The following ARHGEF28 variants were observed in gnomAD, a reference collection of about 807,000 sequenced individuals.
The protein encoded by ARHGEF28 is Rho guanine nucleotide exchange factor 28.
ARHGEF28 carries 152 observed loss-of-function variants against 206.6 expected under a neutral mutation model. That is an observed-to-expected ratio of 0.74 (90% CI 0.64 to 0.84). ARHGEF28 has a LOEUF of 0.84. Among genes scored for constraint, ARHGEF28 ranks in the 40% least tolerant of loss-of-function variants. The pLI is 0.00. For synonymous variants in ARHGEF28, 763 were observed against 776.4 expected (o/e 0.98, Z 0.29); for missense variants, 2,028 against 2,073.2 (o/e 0.98, Z 0.42).
chr5:73,665,980 A>C (rs1258161512), intron 1 of ARHGEF28, among the ~76,000 whole-genome samples: 1 of 152,224 alleles, frequency 6.6e-6, no homozygotes. Flanking sequence ...ACAAACTGTC[A>C]TATAAATCAG....
At position 73,937,683 on chromosome 5, in the gene ARHGEF28, C is replaced by T. The variant is rs139542169; in HGVS notation, c.4949-3161C>T. Among the ~76,000 whole-genome samples, 226 of 152,216 alleles carry T rather than the reference C, an allele frequency of 1.5e-3. 2 individuals carry two copies. The highest frequency in any genetic ancestry group is 3.4e-3 in the Middle Eastern group (1 of 294). On this transcript the variant is annotated intron_variant, in intron 35 of 35. Transcript: ENST00000513042. The stretch of plus-strand genomic sequence containing the variant: ...TATGTCCATCGATTTACAGGCAATT[C>T]GATCACAAATGAAACTGGGTGATTA...
intron 7 of ARHGEF28, among the ~76,000 whole-genome samples, chr5:73,789,650 T>G (rs912093156): frequency 2.0e-5 from 3 of 152,206 alleles, no homozygotes; most frequent in Non-Finnish European, 4.4e-5. Flanking sequence ...TTGATTTTTT[T>G]GTTTAGTTTT....
At chr5:73,629,972 CTT>C in intron 1 of ARHGEF28, among the ~76,000 whole-genome samples, 1 of 152,276 alleles carries the variant, frequency 6.6e-6, no homozygotes, top group South Asian at 2.1e-4. Flanking sequence ...GCAGTGGTGG[CTT>C]TGCTCTCCAT....
At chr5:73,701,618 C>A (rs566203376) in intron 2 of ARHGEF28, among the ~76,000 whole-genome samples, 34 of 152,260 alleles carry the variant, frequency 2.2e-4, no homozygotes, top group Non-Finnish European at 3.2e-4. Flanking sequence ...TCCCCTCCCC[C>A]CACCATTCCT....
Position 73,873,172 on chromosome 5 carries a change from C to T in ARHGEF28, c.2740C>T (p.Arg914Ter), listed in dbSNP as rs756502911. The change falls in exon 22 of 36, where the codon CGA becomes TGA. Residue 914 changes from arginine to a stop codon, truncating the protein, a stop_gained. Transcript: ENST00000513042. LOFTEE classifies it high-confidence loss of function. ...HRHFFYSMKE[R>*]RQESCAGSDR... ...GCATTTCTTCTACAGTATGAAGGAA[C>T]GAAGGCAGGAATCCTGTGCTGGCAG... The T allele has an allele frequency of 5.6e-6, 9 of 1,612,172 alleles. No individual in the cohort carries two copies. Among genetic ancestry groups the T allele is most frequent in the South Asian group, 2.2e-5 (2 of 90,568 alleles).
chr5:73,759,136 A>G (rs1418106066), intron 4 of ARHGEF28, among the ~76,000 whole-genome samples: 3 of 120,670 alleles, frequency 2.5e-5, no homozygotes, highest in South Asian at 3.3e-4. Flanking sequence ...TGGAACTAGC[A>G]GGACCCACTG....
chr5:73,708,661 A>G (rs1325499496), intron 2 of ARHGEF28, among the ~76,000 whole-genome samples: 2 of 152,214 alleles, frequency 1.3e-5, no homozygotes, highest in African/African-American at 2.4e-5. Flanking sequence ...TAGTGCTCCA[A>G]TAAACATACA....
chr5:73,892,300 C>T, intron 27 of ARHGEF28, 70 bp downstream of exon 27: 1 of 1,483,022 alleles, frequency 6.7e-7, no homozygotes, highest in Non-Finnish European at 9.1e-7. Flanking sequence ...CTAACCATGT[C>T]TTCCTGCATG....
At chr5:73,930,854 C>T (rs1394041845) in intron 35 of ARHGEF28, among the ~76,000 whole-genome samples, 2 of 152,294 alleles carry the variant, frequency 1.3e-5, no homozygotes, top group East Asian at 3.9e-4. Context: ...TTAGGGTCCT[C>T]TGTACTTCTG....
chr5:73,870,808 A>G (rs1158165876), intron 21 of ARHGEF28, among the ~76,000 whole-genome samples: 3 of 152,248 alleles, frequency 2.0e-5, no homozygotes, highest in African/African-American at 7.2e-5. Flanking sequence ...GTTAAATTAT[A>G]GACTTGGAAA....
chr5:73,880,325 T>G (rs932014377), intron 22 of ARHGEF28, among the ~76,000 whole-genome samples: 9 of 152,166 alleles, frequency 5.9e-5, no homozygotes, highest in Non-Finnish European at 8.8e-5. Context: ...CCAGGTGCCG[T>G]CTGTCACCCC....
intron 22 of ARHGEF28, among the ~76,000 whole-genome samples, chr5:73,878,393 G>C (rs1760677869): frequency 6.6e-6 from 1 of 152,018 alleles, no homozygotes; most frequent in East Asian, 1.9e-4. Flanking sequence ...GCCAGTCTGT[G>C]TCTTTTAATT....
Position 73,858,216 on chromosome 5 carries a change from TC to T in ARHGEF28, c.2045del (p.Ser682LeufsTer125). The T allele has an allele frequency of 5.7e-6, 9 of 1,584,158 alleles. No homozygotes were observed. The highest frequency in any genetic ancestry group is 6.0e-6 in the Non-Finnish European group (7 of 1,170,760). On this transcript the variant is annotated frameshift_variant and splice_region_variant, in exon 16 of 36. Coordinates refer to ENST00000513042, the MANE Select transcript of ARHGEF28 (RefSeq NM_001177693.2). LOFTEE classifies it high-confidence loss of function. ...TLLGKESLQC[S>X]NCNANVHKGC... ...CCTGGGGAAAGAGTCACTGCAGTGT[TC>T]TAGTAAGTTCTCAGGTCTATGTGCG...
chr5:73,912,448 T>TTGGAGGA (rs1254516258), intron 35 of ARHGEF28, among the ~76,000 whole-genome samples: 1 of 152,222 alleles, frequency 6.6e-6, no homozygotes, highest in African/African-American at 2.4e-5. Context: ...AGTTTGTCAG[T>TTGGAGGA]TGGAGGATAA....
At chr5:73,875,002 C>G (rs1295700989) in intron 22 of ARHGEF28, among the ~76,000 whole-genome samples, 1 of 151,932 alleles carries the variant, frequency 6.6e-6, no homozygotes, top group Non-Finnish European at 1.5e-5. Flanking sequence ...ACACTGACTT[C>G]CACAATGGTT....
intron 24 of ARHGEF28, among the ~76,000 whole-genome samples, chr5:73,884,991 T>A (rs555394171): frequency 6.6e-6 from 1 of 152,254 alleles, no homozygotes; most frequent in African/African-American, 2.4e-5. Context: ...TTTCTTCTGA[T>A]GGTAAAAGAA....
rs770886429 is a variant in ARHGEF28, at chr5:73,873,202, A to G, written c.2770A>G (p.Arg924Gly). ...RRQESCAGSD[R>G]NFVIDRIGDI... The stretch of plus-strand genomic sequence containing the variant: ...GCAGGAATCCTGTGCTGGCAGCGAC[A>G]GGAATTTTGTGATCGACCGAATTGG... The change falls in exon 22 of 36, where the codon AGG becomes GGG. Residue 924 changes from arginine (R) to glycine (G), a missense_variant. By Grantham distance (125) the Arg-to-Gly change is moderately radical. Around this residue, in one of 3 missense-constraint regions of ARHGEF28, gnomAD observed 223 missense variants for 289.9 expected, o/e 0.77. Coordinates refer to ENST00000513042, the MANE Select transcript of ARHGEF28 (RefSeq NM_001177693.2). 3 of 1,612,076 alleles carry G rather than the reference A, an allele frequency of 1.9e-6. No individual in the cohort carries two copies. In the South Asian group the frequency reaches 3.3e-5, roughly 18 times the overall value.
At chr5:73,734,447 G>C (rs969330724) in intron 2 of ARHGEF28, among the ~76,000 whole-genome samples, 3 of 152,116 alleles carry the variant, frequency 2.0e-5, no homozygotes, top group African/African-American at 7.2e-5. Context: ...AGACAGAGGA[G>C]CAGGACACAC....
At chr5:73,777,406 T>A (rs1209986887) in intron 6 of ARHGEF28, among the ~76,000 whole-genome samples, 2 of 152,206 alleles carry the variant, frequency 1.3e-5, no homozygotes, top group Non-Finnish European at 2.9e-5. Flanking sequence ...CCAGATCCTA[T>A]GGCCTCCTGT....
Sources: gnomAD v4.1 joint callset for allele counts (sites outside exome capture counted in the v4.1 genomes callset) on GRCh38, gnomAD v4.1.1 for gene constraint, gnomAD v4.1.1 regional missense constraint, MANE v1.5 for transcripts, NCBI Gene and HGNC (gene_info 2026-07-23, HGNC 2026-07-21) for gene names.